The following GNAO1 variants were observed in gnomAD, a reference collection of about 807,000 sequenced individuals.
The protein encoded by GNAO1 is guanine nucleotide-binding protein G(o) subunit alpha.
For missense variants in GNAO1, 166 were observed against 478.7 expected, an observed-to-expected ratio of 0.35 and a Z score of 6.10; for synonymous variants, 164 against 180.7, an observed-to-expected ratio of 0.91 and a Z score of 0.74.
Position 56,192,343 on chromosome 16 carries a change from A to G in GNAO1, c.108A>G (p.Leu36=). 1.3e-6 allele frequency: 2 copies of G among 1,585,068 alleles called. No individual in the cohort carries two copies. The highest frequency in any genetic ancestry group is 1.7e-6 in the Non-Finnish European group (2 of 1,156,366). ...TCAGCGCCGCCAAAGACGTGAAATT[A>G]CTCCTGCTCGGTAAGGACCGCCGCT... ...DGISAAKDVK[L]LLLGAGESGK... Residue 36 remains leucine (L), a synonymous_variant, in exon 1 of 9, where the codon TTA becomes TTG. Transcript: ENST00000262493.
chr16:56,292,717 G>A (rs1012634492), intron 3 of GNAO1, among the ~76,000 whole-genome samples: 1 of 152,180 alleles, frequency 6.6e-6, no homozygotes, highest in African/African-American at 2.4e-5. Context: ...CATGTTCATG[G>A]CTTATGAGCT....
At chr16:56,222,078 C>T (rs1331052301) in intron 2 of GNAO1, among the ~76,000 whole-genome samples, 3 of 152,132 alleles carry the variant, frequency 2.0e-5, no homozygotes, top group Non-Finnish European at 4.4e-5. Flanking sequence ...TAAGATAACT[C>T]AACTTTGAGA....
rs1179979338 is a variant in GNAO1 at position 56,276,310 on chromosome 16, C to T, written c.303+238C>T. 5.1e-5 allele frequency: 20 copies of T among 391,910 alleles called. No individual in the cohort carries two copies. The East Asian group carries it at 8.0e-4, about 16-fold the overall frequency. The allele number at this position is 391,910 out of a possible 1,614,324, so 24.3% of individuals were successfully genotyped here. On this transcript the variant is annotated intron_variant, in intron 3 of 8. Transcript: ENST00000262493. ...CTACAAAACTCCCGGATTTATTTTG[C>T]AGATGAGGAAGAGTTGGTGACAGTT...
chr16:56,257,900 A>G (rs1181628075), intron 2 of GNAO1, among the ~76,000 whole-genome samples: 1 of 152,232 alleles, frequency 6.6e-6, no homozygotes, highest in Non-Finnish European at 1.5e-5. Flanking sequence ...AGCCTAGCCC[A>G]CGGCAGGCAG....
intron 2 of GNAO1, among the ~76,000 whole-genome samples, chr16:56,231,789 G>T (rs773138859): frequency 1.3e-5 from 2 of 152,232 alleles, no homozygotes; most frequent in Non-Finnish European, 2.9e-5. Flanking sequence ...TTCCCTGGCA[G>T]TCCAACCTGT....
Position 56,225,860 on chromosome 16 carries a change from T to C in GNAO1, c.161+33244T>C, listed in dbSNP as rs188652863. Among the ~76,000 whole-genome samples the C allele has an allele frequency of 2.1e-3, 314 of 152,028 alleles. 1 individual carries two copies. Among genetic ancestry groups the C allele is most frequent in the African/African-American group, 6.7e-3 (277 of 41,444 alleles). On this transcript the variant is annotated intron_variant, in intron 2 of 8. Coordinates refer to ENST00000262493, the MANE Select transcript of GNAO1 (RefSeq NM_020988.3). Reference sequence around the variant, plus strand: ...CCATGAAGAATGTGATAGAGGATAGTTGAGGAGCTCCTTTAGCTAAAGTAG... The same window carrying C: ...CCATGAAGAATGTGATAGAGGATAGCTGAGGAGCTCCTTTAGCTAAAGTAG...
At chr16:56,353,433 T>C (rs1321794383) in intron 7 of GNAO1, 5 of 152,240 alleles carry the variant, frequency 3.3e-5, no homozygotes, top group African/African-American at 4.8e-5. Flanking sequence ...TGAATTCAGG[T>C]ATCATGGATG....
intron 2 of GNAO1, among the ~76,000 whole-genome samples, chr16:56,272,331 CTTG>C (rs1211121788): frequency 6.6e-6 from 1 of 152,108 alleles, no homozygotes. Context: ...AAGGATATTT[CTTG>C]TTGTTCTGTA....
intron 3 of GNAO1, among the ~76,000 whole-genome samples, chr16:56,327,664 G>C (rs894728621): frequency 6.6e-6 from 1 of 152,146 alleles, no homozygotes; most frequent in Non-Finnish European, 1.5e-5. Context: ...TTGAAAAGGC[G>C]ACCCCACTTT....
chr16:56,299,874 CA>C (rs2037324199), intron 3 of GNAO1, among the ~76,000 whole-genome samples: 1 of 152,158 alleles, frequency 6.6e-6, no homozygotes, highest in African/African-American at 2.4e-5. Flanking sequence ...GGTCCAGAGG[CA>C]GCATTGACCC....
At chr16:56,199,176 G>A (rs1030906180) in intron 2 of GNAO1, among the ~76,000 whole-genome samples, 11 of 152,174 alleles carry the variant, frequency 7.2e-5, no homozygotes, top group African/African-American at 2.7e-4. Context: ...ATCCCATGGG[G>A]GTGTAGGGTA....
rs574472635 is a variant in GNAO1 at position 56,355,240 on chromosome 16, T to TA, written c.*28+165dup. The TA allele has an allele frequency of 6.5e-4, 134 of 205,294 alleles. 1 individual carries two copies. Among genetic ancestry groups the TA allele is most frequent in the Admixed American group, 5.8e-3 (99 of 17,132 alleles). 12.7% of individuals were successfully genotyped at this position (205,294 alleles called of 1,614,324 possible). ...ATATATATATATACAAATATATATT[T>TA]AAAAAATCTTTTTAGTTTGTACTAG... is the stretch of plus-strand genomic sequence containing the variant. On this transcript the variant is annotated intron_variant, in intron 8 of 8. Transcript: ENST00000262493.
At chr16:56,209,031 T>C (rs1030318635) in intron 2 of GNAO1, among the ~76,000 whole-genome samples, 4 of 152,216 alleles carry the variant, frequency 2.6e-5, no homozygotes, top group Admixed American at 6.5e-5. Context: ...GTGTTTTTTT[T>C]GTGTGTGTCC....
rs1337408165 is a variant in GNAO1 at position 56,234,175 on chromosome 16, C to T, written c.161+41559C>T. ...TGTGAGTGGCCCTAGGTGCCCAACC[C>T]TCCTGGTCTGGCTGTAGGCAGGAGG... On this transcript the variant is annotated intron_variant, in intron 2 of 8. Transcript: ENST00000262493. Among the ~76,000 whole-genome samples the T allele has an allele frequency of 3.3e-5, 5 of 152,260 alleles. No homozygotes were observed. In the East Asian group the frequency reaches 9.6e-4, roughly 29 times the overall value.
Position 56,218,596 on chromosome 16 carries a change from G to A in GNAO1, c.161+25980G>A, listed in dbSNP as rs1281781880. 3.9e-5 allele frequency among the ~76,000 whole-genome samples: 6 copies of A among 152,110 alleles called. 1 individual carries two copies. Among genetic ancestry groups the A allele is most frequent in the Non-Finnish European group, 8.8e-5 (6 of 68,008 alleles). Reference sequence around the variant, plus strand: ...CCCTGTGAGAGCTTGACAGCAACCCGCTGCCCAGTACTTCCTGCCTGGTGT... The same window carrying A: ...CCCTGTGAGAGCTTGACAGCAACCCACTGCCCAGTACTTCCTGCCTGGTGT... On this transcript the variant is annotated intron_variant, in intron 2 of 8. Transcript: ENST00000262493.
chr16:56,203,005 T>C (rs1447750663), intron 2 of GNAO1, among the ~76,000 whole-genome samples: 1 of 152,174 alleles, frequency 6.6e-6, no homozygotes, highest in Non-Finnish European at 1.5e-5. Context: ...GGAGGCCTCG[T>C]ACTGATCACA....
At chr16:56,216,089 T>G (rs1179236804) in intron 2 of GNAO1, among the ~76,000 whole-genome samples, 2 of 152,168 alleles carry the variant, frequency 1.3e-5, no homozygotes. Context: ...TAGTGCTAAG[T>G]GCACCATTCT....
At chr16:56,325,749 A>C (rs1273002428) in intron 3 of GNAO1, among the ~76,000 whole-genome samples, 32 of 152,132 alleles carry the variant, frequency 2.1e-4, no homozygotes, top group Admixed American at 1.7e-3. Flanking sequence ...CAAGTGGCAG[A>C]AACTAACGGG....
At chr16:56,206,018 T>A (rs531562974) in intron 2 of GNAO1, among the ~76,000 whole-genome samples, 9 of 152,158 alleles carry the variant, frequency 5.9e-5, no homozygotes, top group African/African-American at 1.9e-4. Context: ...TAGCACACAA[T>A]GAGGTTAAAG....
Sources: allele counts gnomAD v4.1 joint callset (sites outside exome capture counted in the v4.1 genomes callset), GRCh38; gene constraint gnomAD v4.1.1; transcripts MANE v1.5; gene names NCBI Gene and HGNC (gene_info 2026-07-23, HGNC 2026-07-21).